The following YJU2B variants were observed in gnomAD, a reference collection of about 807,000 sequenced individuals.
YJU2B encodes YJU2 splicing factor homolog B.
In YJU2B, 18 loss-of-function variants were observed where a neutral mutation model predicts 38.0. The ratio of observed to expected loss-of-function variants is 0.47; its 90% CI spans 0.33 to 0.70. The LOEUF is 0.70. Among genes scored for constraint, YJU2B ranks in the 30% least tolerant of loss-of-function variants. YJU2B has a pLI of 0.02. For synonymous variants in YJU2B, 246 were observed against 225.4 expected (o/e 1.09, Z -0.82); for missense variants, 538 against 556.3 (o/e 0.97, Z 0.33).
intron 2 of YJU2B, among the ~76,000 whole-genome samples, chr19:13,734,827 A>C (rs1972903881): frequency 6.6e-6 from 1 of 151,264 alleles, no homozygotes; most frequent in Admixed American, 6.6e-5. Flanking sequence ...GGCTGGTCTC[A>C]AACTCCCTGG....
chr19:13,761,426 G>A (rs8109392), intron 8 of YJU2B: 61,862 of 152,114 alleles, frequency 0.41, 12,865 homozygotes, highest in East Asian at 0.61. Flanking sequence ...AAATGGAACC[G>A]CCCAGCCCAT....
At chr19:13,760,348 C>T (rs1973841730) in intron 8 of YJU2B, among the ~76,000 whole-genome samples, 1 of 152,148 alleles carries the variant, frequency 6.6e-6, no homozygotes, top group South Asian at 2.1e-4. Context: ...TAGCTGTGTC[C>T]TCATGTGGCA....
At chr19:13,752,429 G>A (rs558815384) in intron 2 of YJU2B, among the ~76,000 whole-genome samples, 10 of 151,724 alleles carry the variant, frequency 6.6e-5, no homozygotes, top group East Asian at 3.9e-4. Context: ...CCAACATGGC[G>A]AAACCCTGTC....
At chr19:13,735,480 C>T (rs1346679542) in intron 2 of YJU2B, among the ~76,000 whole-genome samples, 1 of 151,934 alleles carries the variant, frequency 6.6e-6, no homozygotes, top group African/African-American at 2.4e-5. Flanking sequence ...GCTCCCTCCC[C>T]GTCCCCCACC....
At chr19:13,738,073 T>C (rs542292368) in intron 2 of YJU2B, among the ~76,000 whole-genome samples, 1 of 152,278 alleles carries the variant, frequency 6.6e-6, no homozygotes, top group South Asian at 2.1e-4. Context: ...ACAGTGATTC[T>C]TGTGATTCAA....
chr19:13,758,979 C>A lies in YJU2B; in HGVS notation c.369C>A (p.Asp123Glu). ...CCCAGCGCAAGGAGGAGCGCTGGGA[C>A]ATGGCGGACAATGAGCAGGTGCTGA... ...SGAQRKEERW[D>E]MADNEQVLTT... Residue 123 changes from aspartate to glutamate, a missense_variant, in exon 7 of 10, where the codon GAC becomes GAA. By Grantham distance (45) the Asp-to-Glu change is conservative. Transcript: ENST00000221554. 1 of 1,613,854 alleles carries A rather than the reference C, an allele frequency of 6.2e-7. No individual in the cohort carries two copies. Among genetic ancestry groups the A allele is most frequent in the South Asian group, 1.1e-5 (1 of 91,062 alleles).
At position 13,757,466 on chromosome 19, in the gene YJU2B, C is replaced by T. The variant is rs756689526; in HGVS notation, c.189C>T (p.Ile63=). ...GGTGCGATGGCTGCAAGAACCACAT[C>T]GGCATGGGTGAGCCTCTGCCCACCC... The part of the protein sequence containing the change: ...NIWCDGCKNH[I]GMGVRYNAEK... The change falls in exon 5 of 10, where the codon ATC becomes ATT. Residue 63 remains isoleucine, a synonymous_variant. Coordinates refer to ENST00000221554, the MANE Select transcript of YJU2B (RefSeq NM_030818.4). 3.3e-5 allele frequency: 54 copies of T among 1,613,366 alleles called. 1 individual carries two copies. The highest frequency in any genetic ancestry group is 3.0e-4 in the South Asian group (27 of 91,080).
intron 2 of YJU2B, chr19:13,732,304 C>CTA (rs1195798414): frequency 6.6e-6 from 1 of 152,090 alleles, no homozygotes; most frequent in African/African-American, 2.4e-5. Flanking sequence ...AGCCTTGTAC[C>CTA]TATCTCAGCA....
At chr19:13,755,939 C>T (rs1456324336) in intron 3 of YJU2B, among the ~76,000 whole-genome samples, 1 of 152,124 alleles carries the variant, frequency 6.6e-6, no homozygotes, top group African/African-American at 2.4e-5. Flanking sequence ...GCCTGGGCAA[C>T]AAGAGCAAAA....
intron 8 of YJU2B, among the ~76,000 whole-genome samples, chr19:13,760,767 G>T (rs1269180888): frequency 2.6e-5 from 4 of 151,534 alleles, no homozygotes; most frequent in East Asian, 3.9e-4. Flanking sequence ...CTAATGTTGG[G>T]TTTTTTGTGT....
chr19:13,737,296 G>A (rs994543563), intron 2 of YJU2B, among the ~76,000 whole-genome samples: 1 of 152,114 alleles, frequency 6.6e-6, no homozygotes, highest in Non-Finnish European at 1.5e-5. Flanking sequence ...AAAATGCTGG[G>A]ATTACAGGCA....
chr19:13,753,792 C>T (rs930245686), intron 2 of YJU2B, among the ~76,000 whole-genome samples: 1 of 152,096 alleles, frequency 6.6e-6, no homozygotes, highest in African/African-American at 2.4e-5. Context: ...CTCGAGAACT[C>T]ATTCGCTGTC....
At chr19:13,735,504 G>C (rs2145075781) in intron 2 of YJU2B, among the ~76,000 whole-genome samples, 1 of 150,674 alleles carries the variant, frequency 6.6e-6, no homozygotes, top group Non-Finnish European at 1.5e-5. Flanking sequence ...AGTTATTGAA[G>C]CCGCCCAGCC....
At chr19:13,751,901 G>A in intron 2 of YJU2B, 90 bp downstream of exon 2, 1 of 1,298,652 alleles carries the variant, frequency 7.7e-7, no homozygotes, top group Non-Finnish European at 1.1e-6. Flanking sequence ...AGAGCTCTAA[G>A]ATGATGATTT....
chr19:13,759,306 T>C, intron 8 of YJU2B, 34 bp downstream of exon 8: 2 of 1,556,512 alleles, frequency 1.3e-6, no homozygotes, highest in Non-Finnish European at 8.7e-7. Flanking sequence ...TCAGAGAGGA[T>C]GCATGGTGGA....
intron 2 of YJU2B, among the ~76,000 whole-genome samples, chr19:13,738,725 A>G (rs562702451): frequency 6.6e-6 from 1 of 152,070 alleles, no homozygotes; most frequent in African/African-American, 2.4e-5. Context: ...CCCCGTCTCT[A>G]CTAAAAATAC....
chr19:13,754,834 TC>T (rs1973602825), intron 3 of YJU2B, among the ~76,000 whole-genome samples: 1 of 151,900 alleles, frequency 6.6e-6, no homozygotes, highest in African/African-American at 2.4e-5. Flanking sequence ...CTTGTCCATC[TC>T]CCCCGCTAGA....
At chr19:13,754,225 G>C in intron 2 of YJU2B, 64 bp from the exon 3 acceptor site, 1 of 1,331,098 alleles carries the variant, frequency 7.5e-7, no homozygotes, top group Non-Finnish European at 1.1e-6. Context: ...AATGAGATTT[G>C]GGTAGGGACA....
At chr19:13,756,657 T>A (rs1973678497) in intron 4 of YJU2B, among the ~76,000 whole-genome samples, 3 of 152,066 alleles carry the variant, frequency 2.0e-5, no homozygotes, top group Non-Finnish European at 4.4e-5. Flanking sequence ...AGCCTGGACT[T>A]GATCACATAG....
Sources: allele counts gnomAD v4.1 joint callset (sites outside exome capture counted in the v4.1 genomes callset), GRCh38; gene constraint gnomAD v4.1.1; transcripts MANE v1.5; gene names NCBI Gene and HGNC (gene_info 2026-07-23, HGNC 2026-07-21).